KLHDC4: variants seen among roughly 807,000 people sequenced by gnomAD.
KLHDC4 encodes kelch domain-containing protein 4.
A neutral mutation model predicts 62.4 loss-of-function variants in KLHDC4; 90 were observed. The observed-to-expected ratio is 1.44, with a 90% confidence interval of 1.22 to 1.72. The LOEUF (loss-of-function observed/expected upper bound fraction) is 1.72, where lower values mean the gene tolerates loss of function less well. Among genes scored for constraint, KLHDC4 ranks in the 40% most tolerant of loss-of-function variants. The pLI, the probability that KLHDC4 is intolerant of heterozygous loss-of-function variation, is 0.00. For synonymous variants in KLHDC4, 386 were observed against 284.4 expected, an observed-to-expected ratio of 1.36 and a Z score of -3.59; for missense variants, 1,025 against 699.7, an observed-to-expected ratio of 1.47 and a Z score of -5.25.
chr16:87,710,900 G>A (rs1382998038), intron 9 of KLHDC4: 3 of 266,418 alleles, frequency 1.1e-5, no homozygotes, highest in East Asian at 7.7e-5. Context: ...AACCAGGGAA[G>A]CTCAAGGGTC....
At chr16:87,706,619 G>A (rs539564540), downstream of KLHDC4, among the ~76,000 whole-genome samples, 2 of 152,224 alleles carry the variant, frequency 1.3e-5, no homozygotes, top group Non-Finnish European at 2.9e-5. Context: ...AGTGTCAAGT[G>A]ACAATGGAAG....
chr16:87,764,986 C>G (rs1333514154), intron 1 of KLHDC4: 2 of 380,412 alleles, frequency 5.3e-6, no homozygotes, highest in African/African-American at 2.1e-5. Flanking sequence ...GACATCTGGT[C>G]ACATCCCAGT....
chr16:87,708,607 C>T (rs571714586), intron 10 of KLHDC4, 141 bp from the exon 11 acceptor site: 291 of 479,004 alleles, frequency 6.1e-4, no homozygotes, highest in Non-Finnish European at 9.5e-4. Context: ...TCTTCCCCGA[C>T]CCCCTTCAGA....
chr16:87,751,855 C>CCT (rs2044003076), intron 4 of KLHDC4, among the ~76,000 whole-genome samples: 1 of 147,786 alleles, frequency 6.8e-6, no homozygotes, highest in Non-Finnish European at 1.5e-5. Flanking sequence ...GGGCGGATCA[C>CCT]GAGGCCAGGA....
chr16:87,734,731 G>A (rs1230033260), intron 5 of KLHDC4, among the ~76,000 whole-genome samples: 1 of 152,154 alleles, frequency 6.6e-6, no homozygotes, highest in Non-Finnish European at 1.5e-5. Flanking sequence ...CAGGATCTCA[G>A]CTCACTAAGT....
intron 9 of KLHDC4, chr16:87,711,022 C>T (rs1294138009): frequency 1.4e-5 from 8 of 556,178 alleles, no homozygotes; most frequent in African/African-American, 5.6e-5. Flanking sequence ...GTAGCAGCCC[C>T]GCCAGCATCC....
chr16:87,757,829 C>T (rs12599145), intron 2 of KLHDC4, among the ~76,000 whole-genome samples: 58,415 of 151,770 alleles, frequency 0.38, 11,690 homozygotes, highest in South Asian at 0.53. Flanking sequence ...GAGGCAGAGG[C>T]TGCAGTGAGC....
chr16:87,750,524 T>C (rs914232684), intron 4 of KLHDC4: 5 of 152,282 alleles, frequency 3.3e-5, no homozygotes, highest in African/African-American at 1.2e-4. Context: ...TCTTGTTTTA[T>C]TTCCTCTCGT....
At chr16:87,743,516 G>C (rs2143017189) in intron 5 of KLHDC4, among the ~76,000 whole-genome samples, 1 of 152,148 alleles carries the variant, frequency 6.6e-6, no homozygotes, top group South Asian at 2.1e-4. Context: ...GAGGTGGGTG[G>C]ATCATGAGGG....
chr16:87,759,372 C>T (rs943430627), intron 2 of KLHDC4, among the ~76,000 whole-genome samples: 4 of 151,288 alleles, frequency 2.6e-5, no homozygotes, highest in Non-Finnish European at 5.9e-5. Flanking sequence ...GAGCTGAGAT[C>T]GCGCCATAGC....
chr16:87,709,793 G>A (rs1252778476), intron 9 of KLHDC4, 126 bp from the exon 10 acceptor site: 8 of 1,166,460 alleles, frequency 6.9e-6, no homozygotes, highest in Non-Finnish European at 9.4e-6. Context: ...GTGTGACCCA[G>A]GAAGGCGCCA....
downstream of KLHDC4, among the ~76,000 whole-genome samples, chr16:87,707,192 G>C (rs1048174976): frequency 1.3e-5 from 2 of 152,246 alleles, no homozygotes; most frequent in African/African-American, 2.4e-5. Context: ...GCCTAGGTTG[G>C]GAGTTAGCGC....
intron 5 of KLHDC4, among the ~76,000 whole-genome samples, chr16:87,746,845 A>C (rs568279262): frequency 5.9e-5 from 9 of 152,348 alleles, no homozygotes; most frequent in African/African-American, 1.7e-4. Flanking sequence ...CCTTTAAAAC[A>C]GGTCTCCTGT....
chr16:87,731,762 T>G (rs2040415485), intron 5 of KLHDC4, among the ~76,000 whole-genome samples: 1 of 152,214 alleles, frequency 6.6e-6, no homozygotes, highest in South Asian at 2.1e-4. Context: ...TGCACAAGTT[T>G]ATACACGCTC....
intron 5 of KLHDC4, among the ~76,000 whole-genome samples, chr16:87,742,226 C>G (rs758425173): frequency 7.9e-5 from 12 of 152,160 alleles, no homozygotes; most frequent in Non-Finnish European, 1.5e-4. Flanking sequence ...CGCAGCCCAG[C>G]CCATGAAATC....
intron 3 of KLHDC4, 48 bp from the exon 4 acceptor site, chr16:87,755,340 AG>A (rs2044705205): frequency 2.0e-6 from 2 of 1,001,354 alleles, no homozygotes; most frequent in East Asian, 2.4e-5. Flanking sequence ...TACGCTTCCA[AG>A]GAAGTGGTGA....
intron 5 of KLHDC4, chr16:87,739,855 G>C (rs1412336598): frequency 6.6e-6 from 1 of 152,266 alleles, no homozygotes; most frequent in Admixed American, 6.5e-5. Context: ...CTGCTAAAAA[G>C]ACGGTTTTTC....
intron 1 of KLHDC4, 140 bp downstream of exon 1, chr16:87,765,652 G>A (rs1163042572): frequency 5.3e-6 from 4 of 751,890 alleles, no homozygotes; most frequent in Non-Finnish European, 8.3e-6. Context: ...GCGGCGCCGG[G>A]GCAGTTCCTA....
At chr16:87,707,379 G>C (rs2034869633), downstream of KLHDC4, among the ~76,000 whole-genome samples, 1 of 152,220 alleles carries the variant, frequency 6.6e-6, no homozygotes, top group Non-Finnish European at 1.5e-5. Context: ...GACAGGGATG[G>C]TCCCACCACA....
Sources: gnomAD v4.1 joint callset for allele counts (sites outside exome capture counted in the v4.1 genomes callset) on GRCh38, gnomAD v4.1.1 for gene constraint, MANE v1.5 for transcripts, NCBI Gene and HGNC (gene_info 2026-07-23, HGNC 2026-07-21) for gene names.